The following FAM178B variants were observed in gnomAD, a reference collection of about 807,000 sequenced individuals.
The protein encoded by FAM178B is protein FAM178B.
A neutral mutation model predicts 91.7 loss-of-function variants in FAM178B; 82 were observed. The observed-to-expected ratio is 0.89, with a 90% confidence interval of 0.75 to 1.07. The LOEUF is 1.07. FAM178B is among the 50% of genes least tolerant of loss of function. The pLI, the probability that FAM178B is intolerant of heterozygous loss-of-function variation, is 0.00. For synonymous variants in FAM178B, 368 were observed against 359.4 expected (o/e 1.02, Z -0.27); for missense variants, 769 against 846.7 (o/e 0.91, Z 1.14).
At chr2:96,973,214 A>T (rs936034724) in intron 1 of FAM178B, among the ~76,000 whole-genome samples, 1 of 151,528 alleles carries the variant, frequency 6.6e-6, no homozygotes. Context: ...TTCAAAAAAA[A>T]AAAAAACCAA....
Position 96,967,471 on chromosome 2 carries a change from A to C in FAM178B, c.734+49T>G, listed in dbSNP as rs936285474. On this transcript the variant is annotated intron_variant, in intron 5 of 16. Transcript: ENST00000490605. ...CTGTCCAAAACCAGAGGGGGTTGGC[A>C]CCTCAGTCTTTCCCCTTCGGAGGCT... The C allele has an allele frequency of 5.0e-6, 6 of 1,208,410 alleles. No individual in the cohort carries two copies. In the African/African-American group the frequency reaches 9.0e-5, roughly 18 times the overall value. The allele number at this position is 1,208,410 out of a possible 1,614,324, so 74.9% of individuals were successfully genotyped here. A position where few individuals can be genotyped will look rare whatever the true frequency, so the allele number is the denominator to read the frequency against.
At position 96,876,081 on chromosome 2, in the gene FAM178B, G is replaced by C. The variant is rs1227441816; in HGVS notation, c.*195C>G. ...GCCCATCCCTTGCTGAGAGGAGAGG[G>C]GGTCGGGGCGGTGGCAGAGGCAGGC... On this transcript the variant is annotated 3_prime_UTR_variant, in exon 17 of 17. Transcript: ENST00000490605. The C allele has an allele frequency of 1.7e-6, 1 of 599,472 alleles. No homozygotes were observed. The highest frequency in any genetic ancestry group is 3.0e-6 in the Non-Finnish European group (1 of 338,418). 37.1% of individuals were successfully genotyped at this position (599,472 alleles called of 1,614,324 possible).
rs2082427569 is a variant in FAM178B at position 96,986,536 on chromosome 2, C to T, written c.-223G>A. On this transcript the variant is annotated 5_prime_UTR_variant, in exon 1 of 17. Coordinates refer to ENST00000490605, the MANE Select transcript of FAM178B (RefSeq NM_001122646.3). ...CCGACTCCAAACCAAGCGGCCAGCT[C>T]ACAGCCGCCGCCGCCGCCAGCTGGG... 1 of 566,162 alleles carries T rather than the reference C, an allele frequency of 1.8e-6. No individual in the cohort carries two copies. Among genetic ancestry groups the T allele is most frequent in the Admixed American group, 3.4e-5 (1 of 29,408 alleles). The allele number at this position is 566,162 out of a possible 1,614,324, so 35.1% of individuals were successfully genotyped here. A position where few individuals can be genotyped will look rare whatever the true frequency, so the allele number is the denominator to read the frequency against.
intron 14 of FAM178B, among the ~76,000 whole-genome samples, chr2:96,893,149 A>G (rs1574200963): frequency 1.3e-5 from 2 of 152,080 alleles, no homozygotes; most frequent in East Asian, 3.9e-4. Context: ...TGGAATTACC[A>G]TCTTCCCCAA....
At chr2:96,945,309 G>A (rs1014036323) in intron 8 of FAM178B, among the ~76,000 whole-genome samples, 6 of 151,772 alleles carry the variant, frequency 4.0e-5, no homozygotes, top group African/African-American at 1.5e-4. Flanking sequence ...TGGGACACTC[G>A]GGCCCTCAGC....
chr2:96,966,997 C>A (rs1276198294), intron 5 of FAM178B, among the ~76,000 whole-genome samples: 1 of 152,130 alleles, frequency 6.6e-6, no homozygotes, highest in African/African-American at 2.4e-5. Flanking sequence ...CAGACCAAGA[C>A]GGATGGAAAA....
At chr2:96,928,467 A>G (rs2081484530) in intron 9 of FAM178B, among the ~76,000 whole-genome samples, 1 of 152,200 alleles carries the variant, frequency 6.6e-6, no homozygotes, top group African/African-American at 2.4e-5. Flanking sequence ...GTCCACGAGC[A>G]AGTCAGCCCG....
At chr2:96,876,882 C>T (rs1044572418) in intron 16 of FAM178B, among the ~76,000 whole-genome samples, 3 of 151,996 alleles carry the variant, frequency 2.0e-5, no homozygotes, top group Admixed American at 1.3e-4. Context: ...GAGATGGGGC[C>T]GGAAGGGAGG....
At chr2:96,931,794 G>T (rs2081543888) in intron 8 of FAM178B, among the ~76,000 whole-genome samples, 1 of 152,054 alleles carries the variant, frequency 6.6e-6, no homozygotes, top group East Asian at 1.9e-4. Context: ...AATGTATATG[G>T]GTTGAGACTC....
intron 8 of FAM178B, among the ~76,000 whole-genome samples, chr2:96,932,986 T>C (rs1242536801): frequency 6.3e-5 from 9 of 143,218 alleles, no homozygotes; most frequent in African/African-American, 2.1e-4. Context: ...GGCTCACGCC[T>C]GCAATCCCAG....
intron 3 of FAM178B, 54 bp from the exon 4 acceptor site, chr2:96,970,831 A>C (rs1342336663): frequency 2.4e-6 from 3 of 1,247,152 alleles, no homozygotes; most frequent in Non-Finnish European, 1.1e-6. Context: ...AAGATAGAGG[A>C]GAAAAAAGAA....
intron 5 of FAM178B, among the ~76,000 whole-genome samples, chr2:96,961,596 T>C (rs2082082365): frequency 6.6e-6 from 1 of 152,212 alleles, no homozygotes; most frequent in Non-Finnish European, 1.5e-5. Context: ...ACTGCCTCTC[T>C]TCCTCTAATC....
chr2:96,985,091 G>A (rs1156848904), intron 1 of FAM178B, among the ~76,000 whole-genome samples: 1 of 152,180 alleles, frequency 6.6e-6, no homozygotes, highest in Non-Finnish European at 1.5e-5. Context: ...GATGGAAACC[G>A]ATCATTCTAG....
intron 7 of FAM178B, among the ~76,000 whole-genome samples, chr2:96,948,462 T>C (rs1368337754): frequency 6.6e-6 from 1 of 152,194 alleles, no homozygotes; most frequent in Non-Finnish European, 1.5e-5. Flanking sequence ...GATCCTTATC[T>C]GAATGCTCCT....
In FAM178B at chr2:96,920,149, G is replaced by A. The variant is rs572642356; in HGVS notation, c.1562+1016C>T. On this transcript the variant is annotated intron_variant, in intron 12 of 16. Transcript: ENST00000490605. ...GAAGAGGGAGAGAGAAGAGCAAGGC[G>A]AGTGGATGGGAGTGGTCTGCTCCGG... is the stretch of plus-strand genomic sequence containing the variant. Among the ~76,000 whole-genome samples the A allele has an allele frequency of 6.6e-5, 10 of 152,328 alleles. No homozygotes were observed. In the East Asian group the frequency reaches 1.2e-3, roughly 18 times the overall value.
chr2:96,893,576 C>A (rs1305612834), intron 14 of FAM178B, among the ~76,000 whole-genome samples: 1 of 151,996 alleles, frequency 6.6e-6, no homozygotes, highest in Non-Finnish European at 1.5e-5. Flanking sequence ...TGATGTGCTC[C>A]CATCCCCTCC....
chr2:96,965,991 C>G (rs2153375316), intron 5 of FAM178B, among the ~76,000 whole-genome samples: 1 of 152,224 alleles, frequency 6.6e-6, no homozygotes, highest in African/African-American at 2.4e-5. Context: ...CTCCTCTGCT[C>G]CTGGTCCCCT....
At chr2:96,884,429 C>G (rs1478355720) in intron 14 of FAM178B, among the ~76,000 whole-genome samples, 1 of 152,200 alleles carries the variant, frequency 6.6e-6, no homozygotes, top group Admixed American at 6.5e-5. Flanking sequence ...GGCTGCTCCC[C>G]CAGGGTGGAG....
At chr2:96,898,251 A>C in intron 13 of FAM178B, 1 of 385,314 alleles carries the variant, frequency 2.6e-6, no homozygotes. Context: ...CCAAGGACCC[A>C]GCAGGGCACT....
Sources: gnomAD v4.1 joint callset for allele counts (sites outside exome capture counted in the v4.1 genomes callset) on GRCh38, gnomAD v4.1.1 for gene constraint, MANE v1.5 for transcripts, NCBI Gene and HGNC (gene_info 2026-07-23, HGNC 2026-07-21) for gene names.